MACROD2: variants seen among roughly 807,000 people sequenced by gnomAD.
MACROD2 encodes the protein mono-ADP ribosylhydrolase 2.
Under a neutral mutation model 70.4 loss-of-function variants are expected in MACROD2, and 36 were observed. The ratio of observed to expected loss-of-function variants is 0.51; its 90% CI spans 0.39 to 0.68. The LOEUF (loss-of-function observed/expected upper bound fraction) is 0.68. MACROD2 is among the 30% of genes least tolerant of loss of function. The probability of loss-of-function intolerance (pLI) is 0.00; values close to 1 mark genes in which losing one functional copy is unlikely to be tolerated. For synonymous variants in MACROD2, 172 were observed against 178.8 expected (o/e 0.96, Z 0.30); for missense variants, 496 against 538.4 (o/e 0.92, Z 0.78).
At chr20:14,360,909 G>A (rs1163909374) in intron 3 of MACROD2, among the ~76,000 whole-genome samples, 1 of 152,158 alleles carries the variant, frequency 6.6e-6, no homozygotes, top group Admixed American at 6.5e-5. Flanking sequence ...AGAAGTCTTG[G>A]ATTTGCAGAA....
At position 15,040,537 on chromosome 20, in the gene MACROD2, C is replaced by T. The variant is rs115110264; in HGVS notation, c.419-189403C>T. ...TCACTGAAGTGGGCTATTGAGGTGA[C>T]CAATTAGGACAAAGGTGAGGAGTGT... On this transcript the variant is annotated intron_variant, in intron 5 of 17. Coordinates refer to ENST00000684519, the MANE Select transcript of MACROD2 (RefSeq NM_001351661.2). 9.6e-3 allele frequency among the ~76,000 whole-genome samples: 1,356 copies of T among 140,560 alleles called. 23 individuals are homozygous for T. The highest frequency in any genetic ancestry group is 0.035 in the African/African-American group (1,257 of 35,910). The allele number at this position is 140,560 out of a possible 152,430, so 92.2% of individuals were successfully genotyped here.
At chr20:15,121,513 CAAAA>C (rs5840653) in intron 5 of MACROD2, among the ~76,000 whole-genome samples, 5 of 122,024 alleles carry the variant, frequency 4.1e-5, no homozygotes, top group African/African-American at 6.4e-5. Context: ...AACTCTGCCT[CAAAA>C]AAAAAAAAAA....
intron 4 of MACROD2, among the ~76,000 whole-genome samples, chr20:14,528,183 C>G (rs2085256782): frequency 6.6e-6 from 1 of 150,862 alleles, no homozygotes; most frequent in African/African-American, 2.4e-5. Flanking sequence ...GATCTTGGCT[C>G]ACTGCAACCT....
chr20:14,269,813 T>A (rs1043714269), intron 3 of MACROD2, among the ~76,000 whole-genome samples: 1 of 151,916 alleles, frequency 6.6e-6, no homozygotes, highest in African/African-American at 2.4e-5. Context: ...GGTTTTTTTT[T>A]TATCATGTTG....
intron 5 of MACROD2, among the ~76,000 whole-genome samples, chr20:14,793,673 G>C (rs946725766): frequency 6.6e-6 from 1 of 152,034 alleles, no homozygotes; most frequent in African/African-American, 2.4e-5. Context: ...CGCGTTATCA[G>C]ATTCCAAAAG....
intron 5 of MACROD2, among the ~76,000 whole-genome samples, chr20:15,094,521 T>C (rs945176339): frequency 6.6e-5 from 10 of 152,178 alleles, no homozygotes; most frequent in Non-Finnish European, 1.3e-4. Flanking sequence ...GTATTACCCA[T>C]TTAAAAAACA....
intron 8 of MACROD2, among the ~76,000 whole-genome samples, chr20:15,589,069 C>A (rs58489684): frequency 0.082 from 12,472 of 152,230 alleles, 646 homozygotes; most frequent in Non-Finnish European, 0.11. Context: ...CCCCACATGG[C>A]TGGGGAGGCC....
intron 6 of MACROD2, among the ~76,000 whole-genome samples, chr20:15,234,279 G>A (rs1246394336): frequency 4.7e-5 from 7 of 149,992 alleles, no homozygotes; most frequent in Non-Finnish European, 1.0e-4. Flanking sequence ...TGATCCGCCC[G>A]CCTCGGCCTC....
chr20:15,305,936 T>A (rs1361616898), intron 6 of MACROD2, among the ~76,000 whole-genome samples: 5 of 152,224 alleles, frequency 3.3e-5, no homozygotes, highest in Admixed American at 6.5e-5. Flanking sequence ...TTTGATTTGC[T>A]CTTTTCTCAT....
At chr20:15,208,715 A>G (rs184275063) in intron 5 of MACROD2, among the ~76,000 whole-genome samples, 1 of 152,252 alleles carries the variant, frequency 6.6e-6, no homozygotes, top group East Asian at 1.9e-4. Flanking sequence ...GCTGGGCTTC[A>G]GCTAGTGCCA....
chr20:14,884,930 G>GA (rs1329042335), intron 5 of MACROD2, among the ~76,000 whole-genome samples: 2 of 152,112 alleles, frequency 1.3e-5, no homozygotes, highest in African/African-American at 2.4e-5. Context: ...TTGCCAGTCA[G>GA]AAAATCTTTG....
At chr20:16,019,759 C>T (rs1408504066) in intron 15 of MACROD2, among the ~76,000 whole-genome samples, 1 of 152,176 alleles carries the variant, frequency 6.6e-6, no homozygotes, top group Non-Finnish European at 1.5e-5. Flanking sequence ...GATCCAGAAA[C>T]AAATGTTCTA....
intron 15 of MACROD2, among the ~76,000 whole-genome samples, chr20:16,034,422 A>G (rs989450298): frequency 6.6e-6 from 1 of 152,024 alleles, no homozygotes; most frequent in Non-Finnish European, 1.5e-5. Context: ...CTAGGGGAAA[A>G]TGAAATCTAA....
chr20:14,136,073 A>C (rs181396633), intron 3 of MACROD2, among the ~76,000 whole-genome samples: 34 of 152,360 alleles, frequency 2.2e-4, no homozygotes, highest in African/African-American at 7.9e-4. Context: ...GTGATCTTCT[A>C]TTAGAAAATT....
intron 3 of MACROD2, among the ~76,000 whole-genome samples, chr20:14,426,072 T>C (rs1429756920): frequency 6.6e-6 from 1 of 152,166 alleles, no homozygotes; most frequent in African/African-American, 2.4e-5. Context: ...GGTTTATTTC[T>C]ATCCGTTGTA....
intron 5 of MACROD2, among the ~76,000 whole-genome samples, chr20:14,701,653 C>A (rs1279161375): frequency 2.0e-5 from 3 of 152,128 alleles, no homozygotes; most frequent in Non-Finnish European, 4.4e-5. Context: ...CCAGGACTTG[C>A]TGCTGCAGAT....
chr20:14,540,824 C>T (rs2085423492), intron 4 of MACROD2, among the ~76,000 whole-genome samples: 1 of 152,176 alleles, frequency 6.6e-6, no homozygotes, highest in African/African-American at 2.4e-5. Context: ...CCGTGCTCTA[C>T]ATTAGGAGAG....
chr20:14,018,292 A>T, intron 2 of MACROD2, among the ~76,000 whole-genome samples: 1 of 148,942 alleles, frequency 6.7e-6, no homozygotes, highest in Non-Finnish European at 1.5e-5. Context: ...CACCACTCTT[A>T]TTTTTAGTAT....
intron 5 of MACROD2, among the ~76,000 whole-genome samples, chr20:15,168,187 GA>G (rs1177561346): frequency 6.6e-6 from 1 of 152,174 alleles, no homozygotes; most frequent in East Asian, 1.9e-4. Context: ...ACATCAGCGT[GA>G]TGTGGTGGAG....
Sources: gnomAD v4.1 joint callset for allele counts (sites outside exome capture counted in the v4.1 genomes callset) on GRCh38, gnomAD v4.1.1 for gene constraint, MANE v1.5 for transcripts, NCBI Gene and HGNC (gene_info 2026-07-23, HGNC 2026-07-21) for gene names.